The following ANKDD1B variants were observed in gnomAD, a reference collection of about 807,000 sequenced individuals.
ANKDD1B encodes the protein ankyrin repeat and death domain-containing protein 1B.
A neutral mutation model predicts 59.7 loss-of-function variants in ANKDD1B; 57 were observed. That is an observed-to-expected ratio of 0.95 (90% CI 0.77 to 1.19). The LOEUF is 1.19. Ranked by LOEUF, ANKDD1B falls within the 50% of genes most tolerant of loss-of-function variation. The pLI is 0.00. For synonymous variants in ANKDD1B, 216 were observed against 239.5 expected, an observed-to-expected ratio of 0.90 and a Z score of 0.91; for missense variants, 602 against 641.9, an observed-to-expected ratio of 0.94 and a Z score of 0.67.
At chr5:75,660,025 GT>G (rs1775086558) in intron 10 of ANKDD1B, among the ~76,000 whole-genome samples, 1 of 151,708 alleles carries the variant, frequency 6.6e-6, no homozygotes, top group Non-Finnish European at 1.5e-5. Flanking sequence ...TGTTCCTAAG[GT>G]TTTGCTCTTA....
chr5:75,627,934 CTCT>C (rs1774036010), intron 5 of ANKDD1B, among the ~76,000 whole-genome samples: 1 of 152,164 alleles, frequency 6.6e-6, no homozygotes, highest in African/African-American at 2.4e-5. Flanking sequence ...CTTCTTCCTC[CTCT>C]ATCTGTTGGG....
chr5:75,637,080 T>C (rs924282097), intron 7 of ANKDD1B, among the ~76,000 whole-genome samples: 1 of 151,314 alleles, frequency 6.6e-6, no homozygotes, highest in Non-Finnish European at 1.5e-5. Context: ...ACTCCGTCTC[T>C]ACTAAAAATA....
Position 75,625,932 on chromosome 5 carries a change from A to G in ANKDD1B, c.577A>G (p.Lys193Glu), listed in dbSNP as rs771391342. The G allele has an allele frequency of 6.5e-7, 1 of 1,536,042 alleles. No homozygotes were observed. The highest frequency in any genetic ancestry group is 1.2e-5 in the South Asian group (1 of 84,062). The change falls in exon 5 of 14, where the codon AAG becomes GAG. Residue 193 changes from lysine to glutamate, a missense_variant. Coordinates refer to ENST00000601380, the MANE Select transcript of ANKDD1B (RefSeq NM_001276713.2). The part of the protein sequence containing the change: ...VEYLIQDLHL[K>E]DLNQPDEKGR... ...GTATCTTATTCAAGATCTGCACCTC[A>G]AGGACCTGAACCAGCCTGATGAGGT...
chr5:75,635,777 G>C lies in ANKDD1B; in HGVS notation c.700-7G>C. ...GGGTTTCTACGTCGAGTGTGTCTCTGTTGCAGGGGGGAAACACTGCCTTGC... is the reference window on the plus strand; with the variant it reads ...GGGTTTCTACGTCGAGTGTGTCTCTCTTGCAGGGGGGAAACACTGCCTTGC... On this transcript the variant is annotated splice_polypyrimidine_tract_variant and splice_region_variant and intron_variant, in intron 6 of 13. Coordinates refer to ENST00000601380, the MANE Select transcript of ANKDD1B (RefSeq NM_001276713.2). The C allele has an allele frequency of 6.6e-7, 1 of 1,520,836 alleles. No homozygotes were observed. Among genetic ancestry groups the C allele is most frequent in the Non-Finnish European group, 8.8e-7 (1 of 1,134,194 alleles). 94.2% of individuals were successfully genotyped at this position (1,520,836 alleles called of 1,614,324 possible). A position where few individuals can be genotyped will look rare whatever the true frequency, so the allele number is the denominator to read the frequency against.
chr5:75,665,648 G>T (rs1021688144), intron 11 of ANKDD1B, among the ~76,000 whole-genome samples: 1 of 152,158 alleles, frequency 6.6e-6, no homozygotes, highest in Admixed American at 6.5e-5. Context: ...TTCAACTTCT[G>T]TACACAAAGT....
chr5:75,630,893 T>C (rs763515042), intron 5 of ANKDD1B, among the ~76,000 whole-genome samples: 2 of 152,242 alleles, frequency 1.3e-5, no homozygotes, highest in Non-Finnish European at 2.9e-5. Context: ...GCCTCAGGTT[T>C]AATATCCTTA....
intron 11 of ANKDD1B, among the ~76,000 whole-genome samples, chr5:75,665,779 G>T (rs918504133): frequency 6.6e-6 from 1 of 151,934 alleles, no homozygotes; most frequent in African/African-American, 2.4e-5. Context: ...CATGGTGGGG[G>T]CCCATCAAGT....
chr5:75,635,248 T>C (rs1327855562), intron 6 of ANKDD1B: 1 of 342,312 alleles, frequency 2.9e-6, no homozygotes, highest in African/African-American at 2.1e-5. Context: ...GATTTTTCCA[T>C]GATCAACTCC....
At position 75,616,789 on chromosome 5, in the gene ANKDD1B, T is replaced by C. The variant is rs1773727283; in HGVS notation, c.194-15T>C. ...CTTAAATTCCCTCAGTCATGCTTGC[T>C]TTGCTTTCTTTCAGTACTCCCAAAT... On this transcript the variant is annotated splice_polypyrimidine_tract_variant and intron_variant, in intron 1 of 13. Transcript: ENST00000601380. The C allele has an allele frequency of 7.3e-7, 1 of 1,366,560 alleles. No individual in the cohort carries two copies. Among genetic ancestry groups the C allele is most frequent in the African/African-American group, 1.4e-5 (1 of 69,350 alleles). 84.7% of individuals were successfully genotyped at this position (1,366,560 alleles called of 1,614,324 possible).
chr5:75,654,023 ATGCTTAGT>A (rs2111999975), intron 8 of ANKDD1B, among the ~76,000 whole-genome samples: 1 of 152,326 alleles, frequency 6.6e-6, no homozygotes, highest in Admixed American at 6.5e-5. Flanking sequence ...CTCGTTTTTC[ATGCTTAGT>A]GCTTCAAGGA....
At chr5:75,654,640 A>G (rs1489635058) in intron 8 of ANKDD1B, among the ~76,000 whole-genome samples, 1 of 152,056 alleles carries the variant, frequency 6.6e-6, no homozygotes, top group Non-Finnish European at 1.5e-5. Flanking sequence ...CGATGACTCC[A>G]TTGCCCTCTA....
chr5:75,630,461 G>C (rs1217944569), intron 5 of ANKDD1B, among the ~76,000 whole-genome samples: 1 of 152,148 alleles, frequency 6.6e-6, no homozygotes, highest in Non-Finnish European at 1.5e-5. Context: ...CAAACTAATA[G>C]TGTTTCCATG....
intron 1 of ANKDD1B, among the ~76,000 whole-genome samples, chr5:75,612,057 T>C (rs1276556141): frequency 6.6e-6 from 1 of 152,190 alleles, no homozygotes; most frequent in African/African-American, 2.4e-5. Flanking sequence ...GACAGTATTA[T>C]TCTTCCGAAT....
Position 75,647,402 on chromosome 5 carries a change from C to G in ANKDD1B, c.799-5740C>G, listed in dbSNP as rs1451114616. ...TCTACAATGAATTCAAACAAATTTA[C>G]AAGAAAAAAACAAACAACCCCATCA... On this transcript the variant is annotated intron_variant, in intron 7 of 13. Coordinates refer to ENST00000601380, the MANE Select transcript of ANKDD1B (RefSeq NM_001276713.2). Among the ~76,000 whole-genome samples the G allele has an allele frequency of 3.9e-5, 5 of 126,886 alleles. No individual in the cohort carries two copies. In the South Asian group the frequency reaches 1.1e-3, roughly 28 times the overall value. The allele number at this position is 126,886 out of a possible 152,430, so 83.2% of individuals were successfully genotyped here.
chr5:75,651,868 A>C (rs1393447708), intron 7 of ANKDD1B, among the ~76,000 whole-genome samples: 1 of 152,316 alleles, frequency 6.6e-6, no homozygotes, highest in Non-Finnish European at 1.5e-5. Context: ...GGGTGCTAGC[A>C]GATCAGGTTC....
chr5:75,619,690 A>G (rs985217881), intron 2 of ANKDD1B, among the ~76,000 whole-genome samples: 3 of 152,226 alleles, frequency 2.0e-5, no homozygotes, highest in Non-Finnish European at 4.4e-5. Context: ...TCTGAAATGT[A>G]TTAGACTGTC....
At chr5:75,656,469 G>A (rs146704060) in intron 9 of ANKDD1B, among the ~76,000 whole-genome samples, 202 of 152,298 alleles carry the variant, frequency 1.3e-3, no homozygotes, top group African/African-American at 4.6e-3. Flanking sequence ...ATTGTAATTG[G>A]CAGGGAGCCT....
chr5:75,625,777 T>A, intron 4 of ANKDD1B, 32 bp downstream of exon 4: 3 of 1,531,628 alleles, frequency 2.0e-6, no homozygotes, highest in Non-Finnish European at 2.6e-6. Context: ...GGACAAAAGC[T>A]CTTACCTCAC....
At chr5:75,649,353 A>G (rs1243248249) in intron 7 of ANKDD1B, among the ~76,000 whole-genome samples, 4 of 145,954 alleles carry the variant, frequency 2.7e-5, no homozygotes, top group Admixed American at 1.3e-4. Context: ...CAACCTACAA[A>G]TTGTTTATAA....
Sources: allele counts gnomAD v4.1 joint callset (sites outside exome capture counted in the v4.1 genomes callset), GRCh38; gene constraint gnomAD v4.1.1; transcripts MANE v1.5; gene names NCBI Gene and HGNC (gene_info 2026-07-23, HGNC 2026-07-21).